The following HTR3D variants were observed in gnomAD, a reference collection of about 807,000 sequenced individuals.
HTR3D encodes the protein 5-hydroxytryptamine receptor 3D.
Under a neutral mutation model 45.8 loss-of-function variants are expected in HTR3D, and 47 were observed. The observed-to-expected ratio is 1.03, with a 90% CI of 0.81 to 1.31. The LOEUF (loss-of-function observed/expected upper bound fraction) is 1.31. Ranked by LOEUF, HTR3D falls within the 50% of genes most tolerant of loss-of-function variation. HTR3D has a pLI of 0.00. For synonymous variants in HTR3D, 203 were observed against 199.8 expected (o/e 1.02, Z -0.13); for missense variants, 448 against 506.9 (o/e 0.88, Z 1.12).
At chr3:184,036,123 A>G in intron 3 of HTR3D, 23 bp downstream of exon 3, 1 of 1,545,012 alleles carries the variant, frequency 6.5e-7, no homozygotes, top group South Asian at 1.2e-5. Flanking sequence ...CCAAAAAAGC[A>G]GAATGGAAAC....
At chr3:184,031,730 A>G (rs1175253422), upstream of HTR3D, 1 of 1,548,970 alleles carries the variant, frequency 6.5e-7, no homozygotes, top group East Asian at 2.4e-5. Context: ...GAGAAGTGCC[A>G]AAGAGAGGAA....
At chr3:184,033,919 AAAAAC>A (rs547802836) in intron 1 of HTR3D, among the ~76,000 whole-genome samples, 9 of 152,346 alleles carry the variant, frequency 5.9e-5, no homozygotes, top group African/African-American at 1.9e-4. Flanking sequence ...TCTGTCTCAA[AAAAAC>A]AAAACAAAAC....
intron 1 of HTR3D, among the ~76,000 whole-genome samples, chr3:184,033,696 C>T (rs1330754127): frequency 6.6e-6 from 1 of 152,006 alleles, no homozygotes; most frequent in Non-Finnish European, 1.5e-5. Context: ...GCGGGTAGAT[C>T]ACGTGAGGTC....
At position 184,038,478 on chromosome 3, in the gene HTR3D, T is replaced by A; in HGVS notation, c.839T>A (p.Leu280Gln). ...CTGGAGACCATCTTCATCACCCACCTGCTGCACGTGGCCACCACCCAGCCC... is the reference window on the plus strand; with the variant it reads ...CTGGAGACCATCTTCATCACCCACCAGCTGCACGTGGCCACCACCCAGCCC... ...SLLETIFITH[L>Q]LHVATTQPLP... Residue 280 changes from leucine (L) to glutamine (Q), a missense_variant, in exon 7 of 8, where the codon CTG becomes CAG. Physicochemically the swap from Leu to Gln is moderately radical, Grantham distance 113 (BLOSUM62 -2). Coordinates refer to ENST00000428798, the MANE Select transcript of HTR3D (RefSeq NM_001145143.1). This position sits in a 1 kb window ranked among gnomAD's most constrained non-coding sequence, Gnocchi z 4.5. 1 of 1,614,046 alleles carries A rather than the reference T, an allele frequency of 6.2e-7. No homozygotes were observed. The highest frequency in any genetic ancestry group is 8.5e-7 in the Non-Finnish European group (1 of 1,180,010).
At chr3:184,037,955 A>C in intron 5 of HTR3D, 66 bp from the exon 6 acceptor site, 2 of 1,572,840 alleles carry the variant, frequency 1.3e-6, no homozygotes, top group Non-Finnish European at 1.7e-6. Flanking sequence ...CCCAGTTCTT[A>C]CTCTTACCTG....
rs745762990 is a variant in HTR3D at position 184,038,874 on chromosome 3, T to C, written c.1114T>C (p.Trp372Arg). 11 of 1,614,032 alleles carry C rather than the reference T, an allele frequency of 6.8e-6. No homozygotes were observed. The South Asian group carries it at 9.9e-5, about 14-fold the overall frequency. ...EAQKQHSVEL[W>R]VQFSHAMDAL... ...CCAGAAGCAGCACTCGGTGGAGCTGTGGGTGCAGTTCAGCCACGCGATGGA... is the reference window on the plus strand; with the variant it reads ...CCAGAAGCAGCACTCGGTGGAGCTGCGGGTGCAGTTCAGCCACGCGATGGA... Residue 372 changes from tryptophan (W) to arginine (R), a missense_variant, in exon 8 of 8, where the codon TGG becomes CGG. Transcript: ENST00000428798. The surrounding 1 kb of genome is among the most constrained non-coding windows in gnomAD (Gnocchi z 4.5).
At chr3:184,036,129 G>A (rs1224483350) in intron 3 of HTR3D, 29 bp downstream of exon 3, 12 of 1,543,230 alleles carry the variant, frequency 7.8e-6, no homozygotes, top group Non-Finnish European at 1.0e-5. Context: ...AAGCAGAATG[G>A]AAACCACGTC....
At chr3:184,034,191 G>A (rs1341749223) in intron 1 of HTR3D, among the ~76,000 whole-genome samples, 1 of 151,680 alleles carries the variant, frequency 6.6e-6, no homozygotes, top group East Asian at 1.9e-4. Flanking sequence ...AAACTCAGAA[G>A]CAGTCTAAGT....
chr3:184,037,849 C>T (rs566601057), intron 5 of HTR3D, among the ~76,000 whole-genome samples, 172 bp from the exon 6 acceptor site: 49 of 152,296 alleles, frequency 3.2e-4, no homozygotes, highest in African/African-American at 1.1e-3. Flanking sequence ...GCATGGGAGA[C>T]TCTAACCTTG....
rs569971095 is a variant in HTR3D, at chr3:184,036,834, A to G, written c.454A>G (p.Ile152Val). ...AAGGAGGGAGTGGGTACTGCTGGGT[A>G]TCCAAAAAAGAACAATAAAGGTGAC... ...RTRREWVLLG[I>V]QKRTIKVTVA... The change falls in exon 5 of 8, where the codon ATC becomes GTC. Residue 152 changes from isoleucine (I) to valine (V), a missense_variant. Physicochemically the swap from Ile to Val is conservative, Grantham distance 29. Coordinates refer to ENST00000428798, the MANE Select transcript of HTR3D (RefSeq NM_001145143.1). The G allele has an allele frequency of 1.9e-6, 3 of 1,551,752 alleles. No individual in the cohort carries two copies. Among genetic ancestry groups the G allele is most frequent in the Admixed American group, 2.0e-5 (1 of 50,990 alleles).
intron 1 of HTR3D, among the ~76,000 whole-genome samples, chr3:184,032,253 CA>C (rs1722771124): frequency 6.6e-6 from 1 of 152,202 alleles, no homozygotes; most frequent in Non-Finnish European, 1.5e-5. Context: ...GTGGGCCTCC[CA>C]AAGTGTTGGG....
intron 2 of HTR3D, among the ~76,000 whole-genome samples, chr3:184,035,456 T>C (rs543720235): frequency 6.6e-6 from 1 of 152,242 alleles, no homozygotes; most frequent in Admixed American, 6.5e-5. Flanking sequence ...AGTCAATACT[T>C]ATGTGGCTCC....
At chr3:184,032,536 C>A (rs1212264156) in intron 1 of HTR3D, among the ~76,000 whole-genome samples, 1 of 152,218 alleles carries the variant, frequency 6.6e-6, no homozygotes, top group Non-Finnish European at 1.5e-5. Flanking sequence ...TCACTGACAT[C>A]ACCCACATGG....
At chr3:184,035,991 C>T (rs773162562) in intron 2 of HTR3D, 24 bp from the exon 3 acceptor site, 3 of 1,550,088 alleles carry the variant, frequency 1.9e-6, no homozygotes, top group South Asian at 2.4e-5. Flanking sequence ...CCATGCCCGG[C>T]CTTGGCACAA....
In HTR3D at chr3:184,039,043, C is replaced by CTT; in HGVS notation, c.*69_*70insTT. ...CAGAGAACTCCAGAAACCAGTCAGG[C>CTT]TCTCAGTCAGCCTTGTGGCCCTGTC... On this transcript the variant is annotated 3_prime_UTR_variant, in exon 8 of 8. Coordinates refer to ENST00000428798, the MANE Select transcript of HTR3D (RefSeq NM_001145143.1). 1.4e-6 allele frequency: 2 copies of CTT among 1,451,308 alleles called. No individual in the cohort carries two copies. Among genetic ancestry groups the CTT allele is most frequent in the South Asian group, 1.2e-5 (1 of 84,914 alleles). The allele number at this position is 1,451,308 out of a possible 1,614,324, so 89.9% of individuals were successfully genotyped here. A position where few individuals can be genotyped will look rare whatever the true frequency, so the allele number is the denominator to read the frequency against.
intron 5 of HTR3D, among the ~76,000 whole-genome samples, chr3:184,037,328 C>T (rs917852264): frequency 2.0e-5 from 3 of 152,146 alleles, no homozygotes; most frequent in African/African-American, 4.8e-5. Context: ...TATGAGCCAC[C>T]GTGCCCAGCC....
Position 184,036,446 on chromosome 3 carries a change from A to G in HTR3D, c.269A>G (p.Gln90Arg). The change falls in exon 4 of 8, where the codon CAA becomes CGA. Residue 90 changes from glutamine to arginine, a missense_variant. Gln to Arg is a conservative substitution (Grantham distance 43). Transcript: ENST00000428798. ...IVKATSNTISQCGWSASANWT... is the reference protein window; with the variant it reads ...IVKATSNTISRCGWSASANWT... The stretch of plus-strand genomic sequence containing the variant: ...AAGGCCACATCAAACACAATAAGCC[A>G]ATGTGGGTGGTCAGCATCTGCAAAC... The G allele has an allele frequency of 6.2e-7, 1 of 1,614,194 alleles. No individual in the cohort carries two copies. Among genetic ancestry groups the G allele is most frequent in the Non-Finnish European group, 8.5e-7 (1 of 1,180,028 alleles).
chr3:184,034,136 G>T (rs910604684), intron 1 of HTR3D, among the ~76,000 whole-genome samples: 1 of 151,936 alleles, frequency 6.6e-6, no homozygotes, highest in African/African-American at 2.4e-5. Flanking sequence ...TGAAAACGGG[G>T]TATTTGTACA....
At chr3:184,032,085 C>T (rs1576975354) in intron 1 of HTR3D, among the ~76,000 whole-genome samples, 1 of 150,946 alleles carries the variant, frequency 6.6e-6, no homozygotes, top group Admixed American at 6.6e-5. Flanking sequence ...ACCTTCACCT[C>T]CCAGGTTCAA....
Sources: allele counts gnomAD v4.1 joint callset (sites outside exome capture counted in the v4.1 genomes callset), GRCh38; gene constraint gnomAD v4.1.1; non-coding constraint Gnocchi (gnomAD v3.1); transcripts MANE v1.5; gene names NCBI Gene and HGNC (gene_info 2026-07-23, HGNC 2026-07-21).